IQCB1: variants seen among roughly 807,000 people sequenced by gnomAD.
IQCB1 encodes IQ calmodulin-binding motif-containing protein 1.
In IQCB1, 56 loss-of-function variants were observed where a neutral mutation model predicts 84.4. The ratio of observed to expected loss-of-function variants is 0.66; its 90% CI spans 0.54 to 0.83. The LOEUF (loss-of-function observed/expected upper bound fraction) is 0.83, where lower values mean the gene tolerates loss of function less well. IQCB1 is among the 40% of genes least tolerant of loss of function. IQCB1 has a pLI of 0.00. For synonymous variants in IQCB1, 210 were observed against 234.8 expected, an observed-to-expected ratio of 0.89 and a Z score of 0.96; for missense variants, 629 against 682.1, an observed-to-expected ratio of 0.92 and a Z score of 0.87.
chr3:121,825,351 C>A (rs568642236), intron 5 of IQCB1, among the ~76,000 whole-genome samples: 16 of 152,194 alleles, frequency 1.1e-4, no homozygotes, highest in Admixed American at 3.9e-4. Context: ...TGAGCCACTG[C>A]GCCCAGCCCA....
At chr3:121,775,089 G>A (rs12632455) in intron 13 of IQCB1, among the ~76,000 whole-genome samples, 2 of 152,138 alleles carry the variant, frequency 1.3e-5, no homozygotes, top group African/African-American at 4.8e-5. Flanking sequence ...ACAGAGCTTA[G>A]GAACTGATTA....
At chr3:121,774,722 T>C (rs1306048801) in intron 13 of IQCB1, among the ~76,000 whole-genome samples, 1 of 152,174 alleles carries the variant, frequency 6.6e-6, no homozygotes, top group African/African-American at 2.4e-5. Flanking sequence ...AGAATGGTGG[T>C]TGCCAGAAGC....
intron 5 of IQCB1, among the ~76,000 whole-genome samples, chr3:121,810,590 A>C (rs922540720): frequency 1.3e-5 from 2 of 151,664 alleles, no homozygotes; most frequent in Non-Finnish European, 2.9e-5. Context: ...ATATTAATAC[A>C]TAATTTTAAT....
intron 2 of IQCB1, among the ~76,000 whole-genome samples, chr3:121,831,315 C>T (rs1483826350): frequency 2.0e-5 from 3 of 151,150 alleles, no homozygotes; most frequent in African/African-American, 7.3e-5. Context: ...TGGGACTACA[C>T]TTGCAAGCCA....
chr3:121,785,161 T>A (rs1326207277), intron 12 of IQCB1, among the ~76,000 whole-genome samples: 1 of 152,220 alleles, frequency 6.6e-6, no homozygotes, highest in Non-Finnish European at 1.5e-5. Context: ...GGTGGATAAC[T>A]GTTCTGGCCT....
chr3:121,829,813 T>C (rs1274106482), intron 2 of IQCB1, among the ~76,000 whole-genome samples: 1 of 152,238 alleles, frequency 6.6e-6, no homozygotes, highest in African/African-American at 2.4e-5. Context: ...CACTATATTC[T>C]GAGTCCTGTG....
At chr3:121,816,003 T>G (rs184347742) in intron 5 of IQCB1, among the ~76,000 whole-genome samples, 5 of 148,498 alleles carry the variant, frequency 3.4e-5, no homozygotes, top group African/African-American at 1.2e-4. Flanking sequence ...GGAGGCATCA[T>G]GCTACCTGAC....
chr3:121,826,677 G>T (rs775524788), intron 4 of IQCB1, among the ~76,000 whole-genome samples: 2 of 152,084 alleles, frequency 1.3e-5, no homozygotes, highest in Non-Finnish European at 2.9e-5. Flanking sequence ...ATACTCATTT[G>T]CATATTCCTT....
chr3:121,828,237 G>A (rs897252744), intron 4 of IQCB1, among the ~76,000 whole-genome samples: 5 of 151,840 alleles, frequency 3.3e-5, no homozygotes, highest in African/African-American at 9.7e-5. Context: ...ATTCAGTGGT[G>A]AGAAAAAAAA....
intron 5 of IQCB1, among the ~76,000 whole-genome samples, chr3:121,824,421 T>G (rs1250624481): frequency 1.3e-5 from 2 of 152,146 alleles, no homozygotes; most frequent in East Asian, 3.9e-4. Context: ...CCATTTAATA[T>G]TTTTGAACCA....
At chr3:121,780,646 G>T (rs941742310) in intron 13 of IQCB1, among the ~76,000 whole-genome samples, 2 of 152,140 alleles carry the variant, frequency 1.3e-5, no homozygotes, top group Non-Finnish European at 2.9e-5. Flanking sequence ...TGTTCCAGTG[G>T]TTACCAGATA....
chr3:121,815,453 G>A (rs1278337674), intron 5 of IQCB1, among the ~76,000 whole-genome samples: 1 of 152,164 alleles, frequency 6.6e-6, no homozygotes, highest in East Asian at 1.9e-4. Flanking sequence ...AATAGGAAGA[G>A]AGAAAGTCAA....
At chr3:121,780,864 ATG>A (rs67059736) in intron 13 of IQCB1, among the ~76,000 whole-genome samples, 75 of 147,356 alleles carry the variant, frequency 5.1e-4, no homozygotes, top group South Asian at 1.1e-3. Context: ...GTGTGTGTGT[ATG>A]TGTGTGTGTG....
chr3:121,805,148 T>C (rs1949557564), intron 7 of IQCB1, among the ~76,000 whole-genome samples: 1 of 152,220 alleles, frequency 6.6e-6, no homozygotes, highest in Admixed American at 6.5e-5. Context: ...TGATTAATTC[T>C]TCTCATTTTA....
At chr3:121,773,889 C>A (rs1456376780) in intron 13 of IQCB1, among the ~76,000 whole-genome samples, 2 of 150,638 alleles carry the variant, frequency 1.3e-5, no homozygotes, top group East Asian at 2.0e-4. Flanking sequence ...AAAAAAAAAA[C>A]AACAACAAAA....
intron 6 of IQCB1, among the ~76,000 whole-genome samples, chr3:121,808,200 CA>C (rs1949681759): frequency 6.6e-6 from 1 of 151,816 alleles, no homozygotes; most frequent in Non-Finnish European, 1.5e-5. Context: ...GCATGAGGGT[CA>C]GGGATTGTGT....
chr3:121,803,713 T>G (rs997313652), intron 7 of IQCB1, among the ~76,000 whole-genome samples: 1 of 152,224 alleles, frequency 6.6e-6, no homozygotes, highest in Non-Finnish European at 1.5e-5. Flanking sequence ...TCTTTAGCAC[T>G]AGAAATATTC....
chr3:121,806,003 T>C (rs977787732), intron 7 of IQCB1, among the ~76,000 whole-genome samples: 1 of 152,140 alleles, frequency 6.6e-6, no homozygotes, highest in Non-Finnish European at 1.5e-5. Flanking sequence ...GTTAGAGCAA[T>C]TGTAAGATTC....
chr3:121,794,030 C>T (rs999904261), intron 10 of IQCB1, among the ~76,000 whole-genome samples: 2 of 151,934 alleles, frequency 1.3e-5, no homozygotes, highest in South Asian at 4.1e-4. Flanking sequence ...CTGAATTCAC[C>T]ACAGAGGCAA....
Sources: allele counts gnomAD v4.1 joint callset (sites outside exome capture counted in the v4.1 genomes callset), GRCh38; gene constraint gnomAD v4.1.1; transcripts MANE v1.5; gene names NCBI Gene and HGNC (gene_info 2026-07-23, HGNC 2026-07-21).